SYMPK: variants seen among roughly 807,000 people sequenced by gnomAD.
SYMPK encodes symplekin scaffold protein.
In SYMPK, 49 loss-of-function variants were observed where a neutral mutation model predicts 136.4. That is an observed-to-expected ratio of 0.36 (90% CI 0.29 to 0.46). SYMPK has a LOEUF of 0.46. Among genes scored for constraint, SYMPK ranks in the 20% least tolerant of loss-of-function variants. The pLI, the probability that SYMPK is intolerant of heterozygous loss-of-function variation, is 1.00. For synonymous variants in SYMPK, 766 were observed against 713.0 expected (o/e 1.07, Z -1.19); for missense variants, 1,365 against 1,690.0 (o/e 0.81, Z 3.37).
chr19:45,820,237 TGGG>T (rs1424908432), intron 22 of SYMPK: 1 of 152,316 alleles, frequency 6.6e-6, no homozygotes. Flanking sequence ...CATACTGTCC[TGGG>T]AATGGGCTAG....
At chr19:45,832,694 C>T (rs548263929) in intron 11 of SYMPK, among the ~76,000 whole-genome samples, 16 of 151,878 alleles carry the variant, frequency 1.1e-4, no homozygotes, top group Non-Finnish European at 2.1e-4. Flanking sequence ...GTACCTCACA[C>T]GACAACAATG....
At position 45,831,566 on chromosome 19, in the gene SYMPK, G is replaced by A; in HGVS notation, c.1416C>T (p.Cys472=). The A allele has an allele frequency of 1.2e-6, 2 of 1,608,126 alleles. No homozygotes were observed. Among genetic ancestry groups the A allele is most frequent in the African/African-American group, 2.7e-5 (2 of 74,760 alleles). ...CCTTCTCCTCCTTGGGCTCCTCCTT[G>A]CACTGTTTGGTCTGCTCTACACCTG... ...LGPGVEQTKQ[C]KEEPKEEKVV... Residue 472 remains cysteine, a synonymous_variant, in exon 12 of 27, where the codon TGC becomes TGT. Transcript: ENST00000245934.
chr19:45,853,369 G>C (rs1971740211), intron 3 of SYMPK, among the ~76,000 whole-genome samples: 1 of 152,194 alleles, frequency 6.6e-6, no homozygotes, highest in South Asian at 2.1e-4. Flanking sequence ...TGGGCACGGT[G>C]GCTCGTGCCT....
In SYMPK at chr19:45,815,701, G is replaced by A; in HGVS notation, c.3688-4C>T. ...TCAGCCCGCCCGCTGCCGTCTCCTG[G>A]TGACCGGGGAAGGAAAGGGCAGCCG... On this transcript the variant is annotated splice_polypyrimidine_tract_variant and splice_region_variant and intron_variant, in intron 26 of 26. Coordinates refer to ENST00000245934, the MANE Select transcript of SYMPK (RefSeq NM_004819.3). 1 of 1,609,754 alleles carries A rather than the reference G, an allele frequency of 6.2e-7. No individual in the cohort carries two copies.
At chr19:45,852,254 C>T (rs547662944) in intron 5 of SYMPK, 58 bp downstream of exon 5, 29 of 1,594,414 alleles carry the variant, frequency 1.8e-5, no homozygotes, top group African/African-American at 2.7e-5. Context: ...GGCCAGGCCA[C>T]GAGCTGAAGG....
intron 9 of SYMPK, among the ~76,000 whole-genome samples, chr19:45,839,469 T>C (rs1971384685): frequency 2.0e-5 from 3 of 152,170 alleles, no homozygotes; most frequent in African/African-American, 4.8e-5. Flanking sequence ...CAGCAGAATG[T>C]CAACTGATAA....
rs536788883 is a variant in SYMPK, at chr19:45,823,423, C to T, written c.2649G>A (p.Lys883=). 4 of 1,614,054 alleles carry T rather than the reference C, an allele frequency of 2.5e-6. No individual in the cohort carries two copies. In the African/African-American group the frequency reaches 4.0e-5, roughly 16 times the overall value. The change falls in exon 20 of 27, where the codon AAG becomes AAA. Residue 883 remains lysine (K), a synonymous_variant. Coordinates refer to ENST00000245934, the MANE Select transcript of SYMPK (RefSeq NM_004819.3). ...TGAGGAAGCGGACGTCTGGCAGTCG[C>T]TTGTGGTAGAGATCCCGGACCCGCT... ...LVKRVRDLYH[K]RLPDVRFLIP... is the part of the protein sequence containing the mutation.
chr19:45,836,594 A>G (rs1288601385), intron 10 of SYMPK, among the ~76,000 whole-genome samples: 5 of 151,606 alleles, frequency 3.3e-5, no homozygotes, highest in Admixed American at 1.3e-4. Flanking sequence ...CTGCGCCACT[A>G]CACTCCAGCC....
intron 10 of SYMPK, 91 bp downstream of exon 10, chr19:45,838,370 G>A (rs1961383894): frequency 7.0e-7 from 1 of 1,432,130 alleles, no homozygotes; most frequent in Admixed American, 2.2e-5. Context: ...GTACTCTGGA[G>A]GAGGTGGATG....
In SYMPK at chr19:45,835,091, G is replaced by A. The variant is rs377286056; in HGVS notation, c.1380C>T (p.Ala460=). Residue 460 remains alanine (A), a synonymous_variant, in exon 11 of 27, where the codon GCC becomes GCT. Coordinates refer to ENST00000245934, the MANE Select transcript of SYMPK (RefSeq NM_004819.3). ...ARLMATQMTA[A]GLGPGVEQTK... is the part of the protein sequence containing the mutation. ...GGACACACTCACCTGGTCCCAGTCC[G>A]GCAGCTGTCATCTGTGTGGCCATGA... The A allele has an allele frequency of 1.3e-5, 21 of 1,604,810 alleles. No homozygotes were observed. The East Asian group carries it at 1.6e-4, about 12-fold the overall frequency.
chr19:45,828,006 G>C (rs182426447), intron 14 of SYMPK, 88 bp from the exon 15 acceptor site: 10 of 1,214,670 alleles, frequency 8.2e-6, no homozygotes, highest in Middle Eastern at 1.9e-4. Context: ...CTCAGGGCCA[G>C]CAGGCCCTCC....
In SYMPK at chr19:45,829,330, A is replaced by C. The variant is rs369263963; in HGVS notation, c.1750-125T>G. 9.3e-5 allele frequency: 79 copies of C among 848,724 alleles called. No homozygotes were observed. The East Asian group carries it at 2.0e-3, about 21-fold the overall frequency. 52.6% of individuals were successfully genotyped at this position (848,724 alleles called of 1,614,324 possible). Reference sequence around the variant, plus strand: ...AGAGCAGACAAGGAGTGAAGCGAGGAAGGCCAGCCGAGGACCCTTATGCCT... The same window carrying C: ...AGAGCAGACAAGGAGTGAAGCGAGGCAGGCCAGCCGAGGACCCTTATGCCT... On this transcript the variant is annotated intron_variant, in intron 13 of 26. Transcript: ENST00000245934.
At chr19:45,828,177 A>C (rs968663064) in intron 14 of SYMPK, 1 of 435,860 alleles carries the variant, frequency 2.3e-6, no homozygotes, top group Non-Finnish European at 4.3e-6. Context: ...TTCACTGAAC[A>C]TAAGAACGGG....
At position 45,816,190 on chromosome 19, in the gene SYMPK, A is replaced by G. The variant is rs777693225; in HGVS notation, c.3355-7T>C. 1.3e-6 allele frequency: 2 copies of G among 1,512,326 alleles called. No individual in the cohort carries two copies. Among genetic ancestry groups the G allele is most frequent in the Non-Finnish European group, 1.8e-6 (2 of 1,126,998 alleles). The allele number at this position is 1,512,326 out of a possible 1,614,324, so 93.7% of individuals were successfully genotyped here. On this transcript the variant is annotated splice_polypyrimidine_tract_variant and splice_region_variant and intron_variant, in intron 25 of 26. Coordinates refer to ENST00000245934, the MANE Select transcript of SYMPK (RefSeq NM_004819.3). ...TCAGGGGCTCCAGATCATCCTGGGG[A>G]TAGGGAGGGCCACACAGAAGCTCAG... is the stretch of plus-strand genomic sequence containing the variant.
At chr19:45,861,685 C>T (rs926220819) in intron 1 of SYMPK, among the ~76,000 whole-genome samples, 5 of 150,404 alleles carry the variant, frequency 3.3e-5, no homozygotes, top group African/African-American at 1.2e-4. Flanking sequence ...TGCAGTGAGC[C>T]GAGATCACGC....
At chr19:45,844,325 A>T in intron 7 of SYMPK, 125 bp from the exon 8 acceptor site, 1 of 712,684 alleles carries the variant, frequency 1.4e-6, no homozygotes, top group South Asian at 2.6e-5. Flanking sequence ...GGCGGGAAAA[A>T]CAGAAAATGT....
At position 45,816,189 on chromosome 19, in the gene SYMPK, G is replaced by C. The variant is rs754956465; in HGVS notation, c.3355-6C>G. The C allele has an allele frequency of 2.0e-6, 3 of 1,512,916 alleles. No homozygotes were observed. Among genetic ancestry groups the C allele is most frequent in the Non-Finnish European group, 2.7e-6 (3 of 1,127,506 alleles). 93.7% of individuals were successfully genotyped at this position (1,512,916 alleles called of 1,614,324 possible). Reference sequence around the variant, plus strand: ...GTCAGGGGCTCCAGATCATCCTGGGGATAGGGAGGGCCACACAGAAGCTCA... The same window carrying C: ...GTCAGGGGCTCCAGATCATCCTGGGCATAGGGAGGGCCACACAGAAGCTCA... On this transcript the variant is annotated splice_polypyrimidine_tract_variant and splice_region_variant and intron_variant, in intron 25 of 26. Transcript: ENST00000245934.
chr19:45,848,986 G>A (rs555102671), intron 5 of SYMPK, 110 bp from the exon 6 acceptor site: 1 of 1,315,416 alleles, frequency 7.6e-7, no homozygotes, highest in Non-Finnish European at 1.1e-6. Context: ...CAGGGGACCG[G>A]AATGGCACAT....
chr19:45,832,871 A>T (rs1971216717), intron 11 of SYMPK, among the ~76,000 whole-genome samples: 1 of 144,452 alleles, frequency 6.9e-6, no homozygotes, highest in Non-Finnish European at 1.5e-5. Context: ...AAAAAAAAAA[A>T]AAAATCAGCC....
Sources: allele counts gnomAD v4.1 joint callset (sites outside exome capture counted in the v4.1 genomes callset), GRCh38; gene constraint gnomAD v4.1.1; transcripts MANE v1.5; gene names NCBI Gene and HGNC (gene_info 2026-07-23, HGNC 2026-07-21).